The following ZPLD1 variants were observed in gnomAD, a reference collection of about 807,000 sequenced individuals.
ZPLD1 encodes the protein zona pellucida-like domain-containing protein 1.
A neutral mutation model predicts 47.2 loss-of-function variants in ZPLD1; 34 were observed. The ratio of observed to expected loss-of-function variants is 0.72; its 90% CI spans 0.55 to 0.96. The LOEUF (loss-of-function observed/expected upper bound fraction) is 0.96, where lower values mean the gene tolerates loss of function less well. Among genes scored for constraint, ZPLD1 ranks in the 40% least tolerant of loss-of-function variants. ZPLD1 has a pLI of 0.00. For missense variants in ZPLD1, 512 were observed against 505.8 expected, an observed-to-expected ratio of 1.01 and a Z score of -0.12; for synonymous variants, 176 against 186.2, an observed-to-expected ratio of 0.95 and a Z score of 0.45.
chr3:102,455,921 A>G (rs1707405916), intron 4 of ZPLD1, among the ~76,000 whole-genome samples: 1 of 152,212 alleles, frequency 6.6e-6, no homozygotes, highest in Admixed American at 6.5e-5. Context: ...GAGTGTTTTC[A>G]AATTACTTAT....
chr3:102,444,561 G>A (rs1707228466), intron 3 of ZPLD1, among the ~76,000 whole-genome samples: 1 of 152,086 alleles, frequency 6.6e-6, no homozygotes, highest in Non-Finnish European at 1.5e-5. Context: ...CTGTTCTCTA[G>A]GCAATTTGTA....
At chr3:102,476,333 T>C (rs924190401) in intron 10 of ZPLD1, among the ~76,000 whole-genome samples, 4 of 152,050 alleles carry the variant, frequency 2.6e-5, no homozygotes, top group Non-Finnish European at 5.9e-5. Context: ...TGATGACAAA[T>C]TGGACAACAA....
In ZPLD1 at chr3:102,447,006, T is replaced by C. The variant is rs1707265633; in HGVS notation, c.107-5913T>C. 2.0e-5 allele frequency among the ~76,000 whole-genome samples: 3 copies of C among 152,126 alleles called. No homozygotes were observed. In the East Asian group the frequency reaches 5.8e-4, roughly 29 times the overall value. On this transcript the variant is annotated intron_variant, in intron 3 of 11. Coordinates refer to ENST00000466937, the MANE Select transcript of ZPLD1 (RefSeq NM_001329788.2). ...GATCTTGAAAATAAGTAAAACCAAT[T>C]GCCTCTAGACTAGTAGAAAATTTAT...
At chr3:102,405,089 A>G (rs928150925) in intron 7 of ZPLD1, among the ~76,000 whole-genome samples, 1 of 151,974 alleles carries the variant, frequency 6.6e-6, no homozygotes, top group Non-Finnish European at 1.5e-5. Context: ...TATTTGCTAT[A>G]TTACAAGTAT....
At chr3:102,409,313 T>A (rs745598756) in intron 7 of ZPLD1, among the ~76,000 whole-genome samples, 2 of 151,796 alleles carry the variant, frequency 1.3e-5, no homozygotes, top group Non-Finnish European at 2.9e-5. Context: ...CACTCCTTGT[T>A]CTCGAGATAA....
chr3:102,472,061 C>G (rs1357934886), intron 10 of ZPLD1, among the ~76,000 whole-genome samples: 1 of 152,070 alleles, frequency 6.6e-6, no homozygotes. Flanking sequence ...TGGTTTTGGC[C>G]CAAAAAATTC....
intron 3 of ZPLD1, among the ~76,000 whole-genome samples, chr3:102,442,608 G>A (rs1450230253): frequency 1.3e-5 from 2 of 151,980 alleles, no homozygotes; most frequent in Non-Finnish European, 2.9e-5. Context: ...GATCACCCTT[G>A]ATGTCATCAG....
chr3:102,414,126 C>G (rs1174377000), intron 7 of ZPLD1, among the ~76,000 whole-genome samples: 4 of 151,654 alleles, frequency 2.6e-5, no homozygotes, highest in Non-Finnish European at 5.9e-5. Context: ...CACCTTCCAG[C>G]CTTGGTGGTC....
At chr3:102,470,923 C>T (rs554374570) in intron 10 of ZPLD1, among the ~76,000 whole-genome samples, 85 of 152,080 alleles carry the variant, frequency 5.6e-4, no homozygotes, top group African/African-American at 1.9e-3. Flanking sequence ...AGATTACAGG[C>T]GCCTGCCACC....
chr3:102,467,953 A>G (rs1009245422), intron 8 of ZPLD1, among the ~76,000 whole-genome samples: 5 of 152,090 alleles, frequency 3.3e-5, no homozygotes, highest in African/African-American at 9.7e-5. Flanking sequence ...TTCTTAATAC[A>G]TAAAAGAACT....
intron 6 of ZPLD1, among the ~76,000 whole-genome samples, chr3:102,386,009 G>T (rs1054998320): frequency 6.6e-6 from 1 of 152,016 alleles, no homozygotes; most frequent in Non-Finnish European, 1.5e-5. Context: ...GGGTTTCTTC[G>T]AACCGGTAGT....
rs1473823446 is a variant in ZPLD1, at chr3:102,479,383, G to A, written c.*1765G>A. On this transcript the variant is annotated 3_prime_UTR_variant, in exon 12 of 12. Coordinates refer to ENST00000466937, the MANE Select transcript of ZPLD1 (RefSeq NM_001329788.2). ...CTATTTCAGATACTTTAAGTGAATTGCCATTGATTCTACGATTAAGTTCTG... is the reference window on the plus strand; with the variant it reads ...CTATTTCAGATACTTTAAGTGAATTACCATTGATTCTACGATTAAGTTCTG... 1 of 152,082 alleles carries A rather than the reference G, an allele frequency of 6.6e-6. No individual in the cohort carries two copies. Among genetic ancestry groups the A allele is most frequent in the African/African-American group, 2.4e-5 (1 of 41,428 alleles). The allele number at this position is 152,082 out of a possible 1,614,324, so 9.4% of individuals were successfully genotyped here.
At chr3:102,391,486 T>G (rs554704230) in intron 6 of ZPLD1, among the ~76,000 whole-genome samples, 5 of 152,236 alleles carry the variant, frequency 3.3e-5, no homozygotes, top group Non-Finnish European at 5.9e-5. Flanking sequence ...TTTCTGAATC[T>G]CGGTATAAAA....
chr3:102,443,782 C>T (rs559717890), intron 3 of ZPLD1, among the ~76,000 whole-genome samples: 1 of 152,122 alleles, frequency 6.6e-6, no homozygotes, highest in South Asian at 2.1e-4. Context: ...TTTTCTGTGC[C>T]CAAAGACAAA....
chr3:102,458,509 T>G (rs1707454386), intron 6 of ZPLD1, among the ~76,000 whole-genome samples: 1 of 152,224 alleles, frequency 6.6e-6, no homozygotes, highest in African/African-American at 2.4e-5. Context: ...TAAATATCAA[T>G]TTTTCAATCT....
chr3:102,460,480 A>T (rs1707489505), intron 6 of ZPLD1, among the ~76,000 whole-genome samples: 1 of 151,986 alleles, frequency 6.6e-6, no homozygotes, highest in Non-Finnish European at 1.5e-5. Context: ...TAAATATGTC[A>T]GTTTTGTTCA....
At chr3:102,470,074 C>T (rs911483116) in intron 9 of ZPLD1, among the ~76,000 whole-genome samples, 9 of 151,878 alleles carry the variant, frequency 5.9e-5, no homozygotes, top group Non-Finnish European at 8.8e-5. Flanking sequence ...CCAACATTTC[C>T]GGGAAGGATT....
intron 6 of ZPLD1, among the ~76,000 whole-genome samples, chr3:102,390,734 T>A (rs567887237): frequency 6.6e-6 from 1 of 152,340 alleles, no homozygotes; most frequent in East Asian, 1.9e-4. Context: ...TGAGCAGTGG[T>A]GCACACCACA....
chr3:102,456,571 A>G (rs1707419763), intron 5 of ZPLD1, among the ~76,000 whole-genome samples, 197 bp downstream of exon 5: 1 of 151,520 alleles, frequency 6.6e-6, no homozygotes, highest in Non-Finnish European at 1.5e-5. Context: ...CTATCTATCT[A>G]TCTATCTATC....
Sources: allele counts gnomAD v4.1 joint callset (sites outside exome capture counted in the v4.1 genomes callset), GRCh38; gene constraint gnomAD v4.1.1; transcripts MANE v1.5; gene names NCBI Gene and HGNC (gene_info 2026-07-23, HGNC 2026-07-21).